The following CTNNA3 variants were observed in gnomAD, a reference collection of about 807,000 sequenced individuals.
CTNNA3 encodes catenin alpha-3.
A neutral mutation model predicts 95.7 loss-of-function variants in CTNNA3; 76 were observed. The observed-to-expected ratio is 0.79, with a 90% confidence interval of 0.66 to 0.96. CTNNA3 has a LOEUF of 0.96. Among genes scored for constraint, CTNNA3 ranks in the 40% least tolerant of loss-of-function variants. The pLI is 0.00. For missense variants in CTNNA3, 1,191 were observed against 1,089.8 expected, an observed-to-expected ratio of 1.09 and a Z score of -1.31; for synonymous variants, 431 against 374.4, an observed-to-expected ratio of 1.15 and a Z score of -1.74.
At chr10:66,742,848 T>A (rs1849373333) in intron 9 of CTNNA3, among the ~76,000 whole-genome samples, 2 of 152,212 alleles carry the variant, frequency 1.3e-5, no homozygotes, top group South Asian at 4.1e-4. Context: ...TGAGTCAGTA[T>A]CTCTGGTGAT....
At chr10:66,692,965 C>G (rs1165645524) in intron 9 of CTNNA3, among the ~76,000 whole-genome samples, 1 of 152,142 alleles carries the variant, frequency 6.6e-6, no homozygotes, top group Non-Finnish European at 1.5e-5. Flanking sequence ...GAAGGAAGCA[C>G]TAAACGTGGA....
At chr10:67,533,916 C>A (rs1215142314) in intron 4 of CTNNA3, among the ~76,000 whole-genome samples, 1 of 151,644 alleles carries the variant, frequency 6.6e-6, no homozygotes, top group Non-Finnish European at 1.5e-5. Context: ...TGAAAAAAAT[C>A]TGTTATGTAA....
rs977898289 is a variant in CTNNA3, at chr10:66,086,829, G to A, written c.1977+16328C>T. On this transcript the variant is annotated intron_variant, in intron 14 of 17. Coordinates refer to ENST00000433211, the MANE Select transcript of CTNNA3 (RefSeq NM_013266.4). ...GTCACAAGTGATGTGAGAGGTGTGC[G>A]CTACTGGTGATAGAGTAGTAAGAAA... Among the ~76,000 whole-genome samples, 6 of 152,156 alleles carry A rather than the reference G, an allele frequency of 3.9e-5. No individual in the cohort carries two copies. The East Asian group carries it at 7.7e-4, about 20-fold the overall frequency.
chr10:66,461,804 T>C (rs1300567299), intron 11 of CTNNA3, among the ~76,000 whole-genome samples: 1 of 143,658 alleles, frequency 7.0e-6, no homozygotes, highest in African/African-American at 2.6e-5. Flanking sequence ...AATATCCTTG[T>C]ATATCTCCAA....
At chr10:67,479,485 C>T (rs1022826286) in intron 5 of CTNNA3, among the ~76,000 whole-genome samples, 10 of 152,110 alleles carry the variant, frequency 6.6e-5, no homozygotes, top group African/African-American at 2.4e-4. Context: ...AATTAAACAA[C>T]TTGCTTCTAA....
At chr10:66,379,452 A>C in intron 11 of CTNNA3, 100 bp from the exon 12 acceptor site, 1 of 981,862 alleles carries the variant, frequency 1.0e-6, no homozygotes, top group South Asian at 1.6e-5. Flanking sequence ...CTTCAGATAG[A>C]GTGCACATTG....
intron 13 of CTNNA3, among the ~76,000 whole-genome samples, chr10:66,162,622 G>T (rs1324205589): frequency 1.3e-5 from 2 of 152,102 alleles, no homozygotes; most frequent in Admixed American, 6.6e-5. Context: ...GGGTCGGGGG[G>T]TGCTATGGAC....
intron 9 of CTNNA3, among the ~76,000 whole-genome samples, chr10:66,735,029 A>G (rs1407891025): frequency 6.6e-6 from 1 of 151,614 alleles, no homozygotes; most frequent in Non-Finnish European, 1.5e-5. Flanking sequence ...TATCTTTTTT[A>G]TCTTTTATTG....
At chr10:67,689,943 G>A (rs1036135655) in intron 1 of CTNNA3, among the ~76,000 whole-genome samples, 2 of 152,164 alleles carry the variant, frequency 1.3e-5, no homozygotes, top group Admixed American at 1.3e-4. Context: ...TTGGCAATAG[G>A]CGAGAGTCCC....
At chr10:66,168,116 C>T (rs908783096) in intron 13 of CTNNA3, among the ~76,000 whole-genome samples, 1 of 152,256 alleles carries the variant, frequency 6.6e-6, no homozygotes, top group Non-Finnish European at 1.5e-5. Context: ...TTAAAAAGAG[C>T]TTTTGGCATT....
intron 7 of CTNNA3, among the ~76,000 whole-genome samples, chr10:66,877,351 G>T (rs1844666025): frequency 1.3e-5 from 2 of 152,168 alleles, no homozygotes; most frequent in South Asian, 4.1e-4. Flanking sequence ...AGCATCTCTT[G>T]AAACTGTTCT....
chr10:66,256,718 T>C (rs2090797433), intron 13 of CTNNA3, among the ~76,000 whole-genome samples: 1 of 141,916 alleles, frequency 7.0e-6, no homozygotes, highest in African/African-American at 2.8e-5. Flanking sequence ...TGAGACATTG[T>C]CTCAAAAAAA....
Position 66,322,770 on chromosome 10 carries a change from T to G in CTNNA3, c.1733-42149A>C, listed in dbSNP as rs375369995. 4.5e-4 allele frequency among the ~76,000 whole-genome samples: 69 copies of G among 152,188 alleles called. 1 individual carries two copies. The South Asian group carries it at 0.014, about 31-fold the overall frequency. ...AAGTGTCAACCTTAGGAAAAGAGAC[T>G]TTTGACAAAATATGGTGACTTACTG... is the stretch of plus-strand genomic sequence containing the variant. On this transcript the variant is annotated intron_variant, in intron 12 of 17. Coordinates refer to ENST00000433211, the MANE Select transcript of CTNNA3 (RefSeq NM_013266.4).
intron 12 of CTNNA3, among the ~76,000 whole-genome samples, chr10:66,293,860 T>G (rs1404174680): frequency 6.6e-6 from 1 of 151,382 alleles, no homozygotes. Flanking sequence ...AGAGACGGGG[T>G]TTCAACATAT....
chr10:67,230,967 G>A (rs537980064), intron 5 of CTNNA3, among the ~76,000 whole-genome samples: 13 of 152,274 alleles, frequency 8.5e-5, no homozygotes, highest in Admixed American at 2.0e-4. Flanking sequence ...CTTTTCCGAC[G>A]GGCTTAAAAA....
At chr10:66,094,388 C>CT (rs1430358691) in intron 14 of CTNNA3, among the ~76,000 whole-genome samples, 1 of 151,982 alleles carries the variant, frequency 6.6e-6, no homozygotes, top group Non-Finnish European at 1.5e-5. Context: ...CCTAAAAGGG[C>CT]TTTTATGTAT....
intron 13 of CTNNA3, among the ~76,000 whole-genome samples, chr10:66,254,845 C>G (rs996811798): frequency 7.2e-5 from 11 of 152,144 alleles, no homozygotes; most frequent in African/African-American, 2.4e-4. Context: ...GCCCTTGGGG[C>G]CGAGAAACTG....
chr10:66,672,552 C>T (rs369401843), intron 9 of CTNNA3, among the ~76,000 whole-genome samples: 4 of 152,008 alleles, frequency 2.6e-5, no homozygotes, highest in East Asian at 1.9e-4. Flanking sequence ...GACTTTTTTA[C>T]GACATTGTCA....
chr10:67,461,813 T>C (rs951590192), intron 5 of CTNNA3, among the ~76,000 whole-genome samples: 2 of 152,178 alleles, frequency 1.3e-5, no homozygotes, highest in East Asian at 3.8e-4. Flanking sequence ...TCATTAAACA[T>C]CCAGCAACAC....
Sources: gnomAD v4.1 joint callset for allele counts (sites outside exome capture counted in the v4.1 genomes callset) on GRCh38, gnomAD v4.1.1 for gene constraint, MANE v1.5 for transcripts, NCBI Gene and HGNC (gene_info 2026-07-23, HGNC 2026-07-21) for gene names.